PLXDC2: variants seen among roughly 807,000 people sequenced by gnomAD.
The protein encoded by PLXDC2 is plexin domain-containing protein 2.
A neutral mutation model predicts 68.9 loss-of-function variants in PLXDC2; 40 were observed. The ratio of observed to expected loss-of-function variants is 0.58; its 90% CI spans 0.45 to 0.76. The LOEUF (loss-of-function observed/expected upper bound fraction) is 0.76, where lower values mean the gene tolerates loss of function less well. Among genes scored for constraint, PLXDC2 ranks in the 30% least tolerant of loss-of-function variants. PLXDC2 has a pLI of 0.00. For missense variants in PLXDC2, 644 were observed against 661.9 expected, an observed-to-expected ratio of 0.97 and a Z score of 0.30; for synonymous variants, 243 against 234.2, an observed-to-expected ratio of 1.04 and a Z score of -0.34.
rs548806229 is a variant in PLXDC2, at chr10:20,125,333, A to G, written c.542-17962A>G. ...CCTAAGGAAGATTGAAATGAATCCTATGAGCCTGGTCCTAGCCGAGCAAAC... is the reference window on the plus strand; with the variant it reads ...CCTAAGGAAGATTGAAATGAATCCTGTGAGCCTGGTCCTAGCCGAGCAAAC... On this transcript the variant is annotated intron_variant, in intron 4 of 13. Transcript: ENST00000377252. Among the ~76,000 whole-genome samples the G allele has an allele frequency of 3.9e-5, 6 of 152,360 alleles. No individual in the cohort carries two copies. In the South Asian group the frequency reaches 1.0e-3, roughly 26 times the overall value.
intron 13 of PLXDC2, among the ~76,000 whole-genome samples, chr10:20,251,343 A>C (rs1835673053): frequency 6.6e-6 from 1 of 152,194 alleles, no homozygotes; most frequent in African/African-American, 2.4e-5. Flanking sequence ...AGTTTTTTTA[A>C]AAAAATGAAA....
At chr10:19,824,483 A>C (rs79752485) in intron 1 of PLXDC2, among the ~76,000 whole-genome samples, 2,634 of 152,294 alleles carry the variant, frequency 0.017, 79 homozygotes, top group African/African-American at 0.06. Flanking sequence ...CTTTCTCTTA[A>C]TCTGATGAAT....
At chr10:20,019,323 T>C (rs754785044) in intron 2 of PLXDC2, among the ~76,000 whole-genome samples, 4 of 151,768 alleles carry the variant, frequency 2.6e-5, no homozygotes, top group East Asian at 1.9e-4. Context: ...CCAGTGTAGA[T>C]TGAGAAATTA....
At chr10:19,890,370 CTAGT>C (rs1316941282) in intron 1 of PLXDC2, among the ~76,000 whole-genome samples, 1 of 152,116 alleles carries the variant, frequency 6.6e-6, no homozygotes, top group African/African-American at 2.4e-5. Context: ...ATAGTACCCA[CTAGT>C]TAGTTTTTCA....
chr10:20,238,696 C>CCCATATATGTGTATATATAT (rs1835472693), intron 12 of PLXDC2, among the ~76,000 whole-genome samples: 1 of 113,258 alleles, frequency 8.8e-6, no homozygotes, highest in Non-Finnish European at 1.8e-5. Context: ...TATATATACA[C>CCCATATATGTGTATATATAT]ACATATATAT....
intron 6 of PLXDC2, among the ~76,000 whole-genome samples, chr10:20,162,088 G>A (rs1440981272): frequency 1.5e-5 from 2 of 134,986 alleles, no homozygotes; most frequent in African/African-American, 5.7e-5. Flanking sequence ...AGGAAGGAAG[G>A]AAGGAAGGAA....
chr10:20,272,189 GA>G (rs1157075203), intron 13 of PLXDC2, among the ~76,000 whole-genome samples: 10 of 152,010 alleles, frequency 6.6e-5, no homozygotes. Context: ...GCCTCAGAAG[GA>G]AAATTGGTTT....
intron 9 of PLXDC2, among the ~76,000 whole-genome samples, chr10:20,187,664 A>G (rs1834704588): frequency 6.6e-6 from 1 of 151,876 alleles, no homozygotes; most frequent in African/African-American, 2.4e-5. Context: ...TAAATGCTTT[A>G]GCTTTTAGAA....
intron 1 of PLXDC2, among the ~76,000 whole-genome samples, chr10:19,906,035 C>A (rs371779519): frequency 6.6e-6 from 1 of 151,290 alleles, no homozygotes; most frequent in Non-Finnish European, 1.5e-5. Flanking sequence ...CCTTGATGGG[C>A]CTTACATTCT....
At chr10:20,136,674 A>C (rs1833937299) in intron 4 of PLXDC2, among the ~76,000 whole-genome samples, 1 of 152,234 alleles carries the variant, frequency 6.6e-6, no homozygotes, top group African/African-American at 2.4e-5. Context: ...ACAGTACATA[A>C]CGTTATAACA....
At position 20,189,556 on chromosome 10, in the gene PLXDC2, C is replaced by T. The variant is rs11011846; in HGVS notation, c.1061+12147C>T. The stretch of plus-strand genomic sequence containing the variant: ...ACACATATATATACACACACACACA[C>T]ATATATATATATACACATATATATA... On this transcript the variant is annotated intron_variant, in intron 9 of 13. Coordinates refer to ENST00000377252, the MANE Select transcript of PLXDC2 (RefSeq NM_032812.9). Among the ~76,000 whole-genome samples the T allele has an allele frequency of 8.0e-4, 100 of 124,726 alleles. 2 individuals are homozygous for T. Among genetic ancestry groups the T allele is most frequent in the South Asian group, 4.5e-3 (18 of 4,036 alleles). 81.8% of individuals were successfully genotyped at this position (124,726 alleles called of 152,430 possible).
intron 1 of PLXDC2, among the ~76,000 whole-genome samples, chr10:19,924,112 T>C (rs992933166): frequency 2.0e-5 from 3 of 152,146 alleles, no homozygotes; most frequent in African/African-American, 7.2e-5. Context: ...TCCTCCCAAA[T>C]AAAAAACTTT....
chr10:20,262,801 A>G (rs1472484646), intron 13 of PLXDC2, among the ~76,000 whole-genome samples: 2 of 152,240 alleles, frequency 1.3e-5, no homozygotes, highest in Non-Finnish European at 2.9e-5. Context: ...GCAGCCTTAC[A>G]GAAAAGTGGC....
chr10:19,879,989 T>C (rs1837699330), intron 1 of PLXDC2, among the ~76,000 whole-genome samples: 2 of 152,216 alleles, frequency 1.3e-5, no homozygotes, highest in African/African-American at 4.8e-5. Flanking sequence ...TATTTTGAAG[T>C]AGCAAAACCA....
intron 1 of PLXDC2, among the ~76,000 whole-genome samples, chr10:19,833,947 CT>C (rs34795606): frequency 0.28 from 39,073 of 140,342 alleles, 5,562 homozygotes; most frequent in East Asian, 0.46. Flanking sequence ...TCATATTTTG[CT>C]TTTTTTTTTT....
At chr10:19,875,064 A>T (rs11011653) in intron 1 of PLXDC2, among the ~76,000 whole-genome samples, 2 of 151,940 alleles carry the variant, frequency 1.3e-5, no homozygotes, top group Non-Finnish European at 2.9e-5. Flanking sequence ...TAAGCCAATC[A>T]TATTTTTCTC....
intron 12 of PLXDC2, among the ~76,000 whole-genome samples, chr10:20,236,073 G>A (rs1321718310): frequency 1.3e-5 from 2 of 152,122 alleles, no homozygotes; most frequent in African/African-American, 2.4e-5. Context: ...AGCTGAAAAC[G>A]TTGGGTACTA....
At chr10:19,819,031 TACACACACACACACACAC>T (rs63295361) in intron 1 of PLXDC2, among the ~76,000 whole-genome samples, 1 of 147,724 alleles carries the variant, frequency 6.8e-6, no homozygotes, top group African/African-American at 2.5e-5. Flanking sequence ...AATATATGTA[TACACACACACACACACAC>T]ACACACACAC....
At chr10:19,893,485 A>G (rs937578608) in intron 1 of PLXDC2, among the ~76,000 whole-genome samples, 2 of 152,202 alleles carry the variant, frequency 1.3e-5, no homozygotes, top group African/African-American at 4.8e-5. Context: ...TTAGAAAGTC[A>G]TCTAACACAA....
Sources: gnomAD v4.1 joint callset for allele counts (sites outside exome capture counted in the v4.1 genomes callset) on GRCh38, gnomAD v4.1.1 for gene constraint, MANE v1.5 for transcripts, NCBI Gene and HGNC (gene_info 2026-07-23, HGNC 2026-07-21) for gene names.